MARK1: variants seen among roughly 807,000 people sequenced by gnomAD.
MARK1 encodes the protein serine/threonine-protein kinase MARK1.
In MARK1, 40 loss-of-function variants were observed where a neutral mutation model predicts 96.3. The ratio of observed to expected loss-of-function variants is 0.42; its 90% confidence interval spans 0.32 to 0.54. The LOEUF (loss-of-function observed/expected upper bound fraction) is 0.54. Among genes scored for constraint, MARK1 ranks in the 20% least tolerant of loss-of-function variants. The pLI is 0.16. For missense variants in MARK1, 719 were observed against 984.6 expected, an observed-to-expected ratio of 0.73 and a Z score of 3.61; for synonymous variants, 317 against 341.2, an observed-to-expected ratio of 0.93 and a Z score of 0.78.
At chr1:220,624,054 T>C (rs1000234287) in intron 9 of MARK1, among the ~76,000 whole-genome samples, 3 of 152,212 alleles carry the variant, frequency 2.0e-5, no homozygotes, top group East Asian at 1.9e-4. Flanking sequence ...TCCTAGCACT[T>C]TGGGAGGCCC....
At position 220,650,630 on chromosome 1, in the gene MARK1, A is replaced by T. The variant is rs146182403; in HGVS notation, c.1481A>T (p.Tyr494Phe). ...KSSTIPSNNV[Y>F]SGGSMARRNT... ...TTTTTATTCTTGAAGAACAATGTGT[A>T]TTCTGGAGGTAGCATGGCAAGAAGG... Residue 494 changes from tyrosine to phenylalanine, a missense_variant, in exon 14 of 18, where the codon TAT becomes TTT. Tyr to Phe is a conservative substitution (Grantham distance 22). Around this residue, in one of 4 missense-constraint regions of MARK1, gnomAD observed 501 missense variants for 588.3 expected, o/e 0.85. Transcript: ENST00000366917. 4.1e-5 allele frequency: 65 copies of T among 1,602,200 alleles called. 1 individual carries two copies. The East Asian group carries it at 1.3e-3, about 33-fold the overall frequency.
At chr1:220,635,269 C>A in intron 11 of MARK1, 107 bp from the exon 12 acceptor site, 1 of 1,110,194 alleles carries the variant, frequency 9.0e-7, no homozygotes. Flanking sequence ...GTTTGGATTA[C>A]TTCTTGTATA....
intron 1 of MARK1, among the ~76,000 whole-genome samples, chr1:220,532,221 C>T (rs770812096): frequency 6.6e-5 from 10 of 152,042 alleles, no homozygotes; most frequent in African/African-American, 1.7e-4. Flanking sequence ...AAATTCATGG[C>T]GGTGATTATA....
chr1:220,641,805 C>G (rs1351215225), intron 13 of MARK1, among the ~76,000 whole-genome samples: 1 of 152,148 alleles, frequency 6.6e-6, no homozygotes, highest in Non-Finnish European at 1.5e-5. Flanking sequence ...GCGGTTCACC[C>G]AGGAGCTGCA....
intron 1 of MARK1, 128 bp downstream of exon 1, chr1:220,529,001 C>A (rs1284651406): frequency 7.2e-6 from 6 of 835,878 alleles, no homozygotes; most frequent in African/African-American, 1.8e-5. Flanking sequence ...CACCTGGAGC[C>A]CGGCGTGACC....
At position 220,653,133 on chromosome 1, in the gene MARK1, C is replaced by G; in HGVS notation, c.1769C>G (p.Ser590Cys). The G allele has an allele frequency of 1.9e-6, 3 of 1,614,224 alleles. No homozygotes were observed. Among genetic ancestry groups the G allele is most frequent in the Non-Finnish European group, 2.5e-6 (3 of 1,180,026 alleles). Residue 590 changes from serine (S) to cysteine (C), a missense_variant, in exon 16 of 18, where the codon TCT (serine) becomes TGT (cysteine). Physicochemically the swap from Ser to Cys is moderately radical, Grantham distance 112. Transcript: ENST00000366917. ...TTQRVPAASP[S>C]AHSISTATPD... ...CAGAGAGTGCCTGCTGCTTCCCCATCTGCTCACAGTATTAGTACTGCGACT... is the reference window on the plus strand; with the variant it reads ...CAGAGAGTGCCTGCTGCTTCCCCATGTGCTCACAGTATTAGTACTGCGACT...
chr1:220,576,478 C>T (rs1663859166), intron 1 of MARK1, among the ~76,000 whole-genome samples: 1 of 151,722 alleles, frequency 6.6e-6, no homozygotes, highest in South Asian at 2.1e-4. Context: ...TATGCCCCCA[C>T]CCTCAGTGGG....
At chr1:220,655,889 C>T (rs1669143702) in intron 16 of MARK1, among the ~76,000 whole-genome samples, 1 of 152,128 alleles carries the variant, frequency 6.6e-6, no homozygotes, top group African/African-American at 2.4e-5. Flanking sequence ...TCCCACTCTT[C>T]CCCTTGCTGC....
intron 9 of MARK1, among the ~76,000 whole-genome samples, chr1:220,622,549 AAAT>A (rs2102981921): frequency 6.6e-6 from 1 of 152,374 alleles, no homozygotes; most frequent in African/African-American, 2.4e-5. Context: ...ACAAAGGTTG[AAAT>A]CATTTAAGTA....
chr1:220,608,624 C>G (rs187402334), intron 6 of MARK1, among the ~76,000 whole-genome samples: 10 of 152,178 alleles, frequency 6.6e-5, no homozygotes, highest in Admixed American at 1.3e-4. Flanking sequence ...CCTCTTGCTT[C>G]TCTAGTTCTT....
intron 13 of MARK1, among the ~76,000 whole-genome samples, chr1:220,642,132 C>T (rs1668306820): frequency 6.6e-6 from 1 of 152,210 alleles, no homozygotes; most frequent in Non-Finnish European, 1.5e-5. Flanking sequence ...GCCAAGCAGC[C>T]TCACTCAGTG....
intron 1 of MARK1, among the ~76,000 whole-genome samples, chr1:220,529,689 T>C (rs916192700): frequency 6.6e-6 from 1 of 152,200 alleles, no homozygotes; most frequent in East Asian, 1.9e-4. Context: ...TCTGGAGCTG[T>C]TATCAAGATG....
At chr1:220,592,265 A>G (rs570882269) in intron 3 of MARK1, among the ~76,000 whole-genome samples, 2 of 147,866 alleles carry the variant, frequency 1.4e-5, no homozygotes, top group South Asian at 2.1e-4. Flanking sequence ...ATATTATATT[A>G]TATTATACTA....
In MARK1 at chr1:220,654,650, A is replaced by G. The variant is rs1198630471; in HGVS notation, c.1988+1298A>G. Among the ~76,000 whole-genome samples the G allele has an allele frequency of 1.1e-4, 16 of 152,202 alleles. No individual in the cohort carries two copies. On this transcript the variant is annotated intron_variant, in intron 16 of 17. Transcript: ENST00000366917. The surrounding 1 kb of genome is among the most constrained non-coding windows in gnomAD (Gnocchi z 4.0). ...GTTAGCCGGCCATCTGCAGGGTACT[A>G]GTCAGATTATCAGTAGTTTCTGCTT...
At chr1:220,627,863 G>A (rs1487424597) in intron 9 of MARK1, 1 of 152,972 alleles carries the variant, frequency 6.5e-6, no homozygotes, top group Non-Finnish European at 1.5e-5. Flanking sequence ...TGTAACATCA[G>A]CCATTTTTAG....
chr1:220,575,049 AGTAGAAGAACT>A (rs944902911), intron 1 of MARK1, among the ~76,000 whole-genome samples: 9 of 152,352 alleles, frequency 5.9e-5, no homozygotes, highest in African/African-American at 2.2e-4. Context: ...ATAGCCAGTG[AGTAGAAGAACT>A]TCATTTCAGT....
intron 5 of MARK1, 101 bp downstream of exon 5, chr1:220,599,964 T>G (rs1665633047): frequency 3.1e-6 from 2 of 655,144 alleles, no homozygotes; most frequent in East Asian, 3.0e-5. Flanking sequence ...TGTTAATGAA[T>G]CTATTGTTTT....
intron 7 of MARK1, 78 bp downstream of exon 7, chr1:220,616,073 C>G: frequency 1.4e-6 from 1 of 697,792 alleles, no homozygotes; most frequent in Non-Finnish European, 2.3e-6. Flanking sequence ...TTAGAGCTGT[C>G]TATTTTATTG....
intron 11 of MARK1, 56 bp downstream of exon 11, chr1:220,632,369 G>A: frequency 1.4e-5 from 10 of 722,308 alleles, no homozygotes; most frequent in Non-Finnish European, 2.1e-5. Context: ...TAATATATTA[G>A]TTAATATATT....
Sources: allele counts gnomAD v4.1 joint callset (sites outside exome capture counted in the v4.1 genomes callset), GRCh38; gene constraint gnomAD v4.1.1; regional missense constraint gnomAD v4.1.1; non-coding constraint Gnocchi (gnomAD v3.1); transcripts MANE v1.5; gene names NCBI Gene and HGNC (gene_info 2026-07-23, HGNC 2026-07-21).